CNTNAP2: variants seen among roughly 807,000 people sequenced by gnomAD.
The protein encoded by CNTNAP2 is contactin-associated protein-like 2.
Under a neutral mutation model 155.2 loss-of-function variants are expected in CNTNAP2, and 98 were observed. That is an observed-to-expected ratio of 0.63 (90% CI 0.54 to 0.75). The LOEUF is 0.75. Among genes scored for constraint, CNTNAP2 ranks in the 30% least tolerant of loss-of-function variants. CNTNAP2 has a pLI of 0.00. For synonymous variants in CNTNAP2, 651 were observed against 631.2 expected, an observed-to-expected ratio of 1.03 and a Z score of -0.47; for missense variants, 1,727 against 1,688.1, an observed-to-expected ratio of 1.02 and a Z score of -0.40.
At chr7:147,023,037 G>A (rs545645909) in intron 3 of CNTNAP2, among the ~76,000 whole-genome samples, 1 of 152,042 alleles carries the variant, frequency 6.6e-6, no homozygotes, top group South Asian at 2.1e-4. Flanking sequence ...ACTTGTCATA[G>A]GCCTGCCTTT....
intron 12 of CNTNAP2, among the ~76,000 whole-genome samples, chr7:147,588,107 G>T (rs1313439362): frequency 9.9e-5 from 15 of 152,116 alleles, no homozygotes; most frequent in Admixed American, 6.6e-4. Context: ...CAAAAAGATA[G>T]ATAGATAGAT....
intron 1 of CNTNAP2, among the ~76,000 whole-genome samples, chr7:146,318,342 A>G (rs1800945462): frequency 6.6e-6 from 1 of 152,142 alleles, no homozygotes; most frequent in Non-Finnish European, 1.5e-5. Flanking sequence ...TCATCTTAAA[A>G]CAATCTTATC....
intron 1 of CNTNAP2, among the ~76,000 whole-genome samples, chr7:146,226,478 G>A (rs1217564523): frequency 6.6e-6 from 1 of 152,042 alleles, no homozygotes; most frequent in Admixed American, 6.6e-5. Context: ...GGGCTATATA[G>A]TGAGACCCCA....
intron 9 of CNTNAP2, among the ~76,000 whole-genome samples, chr7:147,333,800 T>C (rs934138949): frequency 7.2e-5 from 11 of 152,160 alleles, no homozygotes; most frequent in Non-Finnish European, 1.6e-4. Flanking sequence ...ATGCTGGTGA[T>C]TTTTAGCAAA....
intron 13 of CNTNAP2, among the ~76,000 whole-genome samples, chr7:147,820,183 A>G (rs569974138): frequency 6.6e-6 from 1 of 152,070 alleles, no homozygotes; most frequent in Non-Finnish European, 1.5e-5. Context: ...TTTTAATTTT[A>G]ATTTGGTCCA....
intron 1 of CNTNAP2, among the ~76,000 whole-genome samples, chr7:146,390,463 G>A (rs1262285546): frequency 1.3e-5 from 2 of 151,612 alleles, no homozygotes; most frequent in East Asian, 1.9e-4. Flanking sequence ...AATCAGACAA[G>A]TTCAGATTGT....
intron 16 of CNTNAP2, among the ~76,000 whole-genome samples, chr7:148,137,230 C>T (rs780955153): frequency 1.6e-4 from 24 of 152,226 alleles, no homozygotes; most frequent in South Asian, 6.2e-4. Context: ...ACTAAGTAGA[C>T]GATAAAGATC....
At chr7:148,147,376 C>A in intron 16 of CNTNAP2, 115 bp from the exon 17 acceptor site, 2 of 989,466 alleles carry the variant, frequency 2.0e-6, no homozygotes, top group Non-Finnish European at 3.2e-6. Flanking sequence ...CTTTGTAGGA[C>A]GTGACAGGCT....
In CNTNAP2 at chr7:147,083,336, G is replaced by A. The variant is rs373109903; in HGVS notation, c.551-24811G>A. 1.1e-4 allele frequency: 17 copies of A among 151,980 alleles called. No homozygotes were observed. In the East Asian group the frequency reaches 2.9e-3, roughly 26 times the overall value. 9.4% of individuals were successfully genotyped at this position (151,980 alleles called of 1,614,324 possible). On this transcript the variant is annotated intron_variant, in intron 4 of 23. Coordinates refer to ENST00000361727, the MANE Select transcript of CNTNAP2 (RefSeq NM_014141.6). ...TTCGAGAGCCTTCAAAAGTATTAAT[G>A]ACAAACTAACGTTTGGAATATGGGG...
At chr7:146,883,502 T>A (rs1461372681) in intron 3 of CNTNAP2, among the ~76,000 whole-genome samples, 1 of 152,182 alleles carries the variant, frequency 6.6e-6, no homozygotes, top group Non-Finnish European at 1.5e-5. Context: ...TTTATTTTCA[T>A]TGGAATATTC....
chr7:147,434,070 G>T (rs1369685812), intron 10 of CNTNAP2, among the ~76,000 whole-genome samples: 1 of 152,162 alleles, frequency 6.6e-6, no homozygotes, highest in East Asian at 1.9e-4. Context: ...GAGGCTTACT[G>T]AATGTCACAG....
At chr7:147,850,949 G>T (rs1298351589) in intron 13 of CNTNAP2, among the ~76,000 whole-genome samples, 2 of 152,192 alleles carry the variant, frequency 1.3e-5, no homozygotes, top group East Asian at 3.9e-4. Flanking sequence ...AAGAGCTTCT[G>T]CAGAGCAAAA....
intron 19 of CNTNAP2, among the ~76,000 whole-genome samples, chr7:148,220,783 G>A (rs1379167644): frequency 1.3e-5 from 2 of 151,868 alleles, no homozygotes; most frequent in Non-Finnish European, 2.9e-5. Context: ...GAGGATGAAA[G>A]AGAGAGAAGT....
chr7:147,441,264 T>C (rs1457560810), intron 10 of CNTNAP2, among the ~76,000 whole-genome samples: 4 of 152,104 alleles, frequency 2.6e-5, no homozygotes, highest in Admixed American at 2.6e-4. Context: ...TTCTTCAGTA[T>C]GTCAGTTGCA....
intron 11 of CNTNAP2, among the ~76,000 whole-genome samples, chr7:147,497,788 T>C (rs16883528): frequency 0.1 from 15,504 of 152,214 alleles, 915 homozygotes; most frequent in Middle Eastern, 0.18. Flanking sequence ...AAAACCTGCA[T>C]TGGGGCAGGC....
chr7:147,974,427 C>T (rs1209787554), intron 14 of CNTNAP2, among the ~76,000 whole-genome samples: 1 of 152,018 alleles, frequency 6.6e-6, no homozygotes, highest in South Asian at 2.1e-4. Context: ...GAGGCCAGCA[C>T]CAGCCTGGCC....
intron 1 of CNTNAP2, among the ~76,000 whole-genome samples, chr7:146,362,946 T>C (rs1449825951): frequency 6.6e-6 from 1 of 151,868 alleles, no homozygotes; most frequent in Non-Finnish European, 1.5e-5. Context: ...AATTTTTGTA[T>C]TTTTAGTAGA....
chr7:147,670,495 T>C (rs1047511346), intron 13 of CNTNAP2, among the ~76,000 whole-genome samples: 1 of 152,202 alleles, frequency 6.6e-6, no homozygotes, highest in Non-Finnish European at 1.5e-5. Context: ...TGCCCCATCC[T>C]GTGCCTATAA....
chr7:147,749,126 T>C (rs1325674889), intron 13 of CNTNAP2, among the ~76,000 whole-genome samples: 4 of 152,178 alleles, frequency 2.6e-5, no homozygotes, highest in Non-Finnish European at 5.9e-5. Flanking sequence ...GTCAAAAGAA[T>C]AAAATAAAAA....
Sources: allele counts gnomAD v4.1 joint callset (sites outside exome capture counted in the v4.1 genomes callset), GRCh38; gene constraint gnomAD v4.1.1; transcripts MANE v1.5; gene names NCBI Gene and HGNC (gene_info 2026-07-23, HGNC 2026-07-21).